FBN1: variants seen among roughly 807,000 people sequenced by gnomAD.
FBN1 encodes fibrillin 1, also known as fibrillin-1.
Under a neutral mutation model 365.1 loss-of-function variants are expected in FBN1, and 29 were observed. The observed-to-expected ratio is 0.08, with a 90% confidence interval of 0.06 to 0.11. FBN1 has a LOEUF of 0.11. Ranked by LOEUF, FBN1 falls within the 10% of genes least tolerant of loss-of-function variation. The pLI, the probability that FBN1 is intolerant of heterozygous loss-of-function variation, is 1.00. For synonymous variants in FBN1, 1,210 were observed against 1,270.5 expected (o/e 0.95, Z 1.01); for missense variants, 2,476 against 3,703.2 (o/e 0.67, Z 8.60).
chr15:48,586,253 C>CTG (rs1490829922), intron 6 of FBN1, among the ~76,000 whole-genome samples: 1 of 151,856 alleles, frequency 6.6e-6, no homozygotes, highest in Non-Finnish European at 1.5e-5. Context: ...AATAGATTCA[C>CTG]TGAGCAACTG....
At position 48,505,206 on chromosome 15, in the gene FBN1, T is replaced by C. The variant is rs574895441; in HGVS notation, c.1838-59A>G. 2.5e-6 allele frequency: 4 copies of C among 1,604,928 alleles called. No individual in the cohort carries two copies. The African/African-American group carries it at 5.4e-5, about 21-fold the overall frequency. ...GTGACATTTATCTAAAATTATAACATGTTGACAATTATGTTTTAACCCTTG... is the reference window on the plus strand; with the variant it reads ...GTGACATTTATCTAAAATTATAACACGTTGACAATTATGTTTTAACCCTTG... On this transcript the variant is annotated intron_variant, in intron 15 of 65. Coordinates refer to ENST00000316623, the MANE Select transcript of FBN1 (RefSeq NM_000138.5).
intron 7 of FBN1, among the ~76,000 whole-genome samples, chr15:48,536,633 G>A: frequency 6.6e-6 from 1 of 152,172 alleles, no homozygotes; most frequent in East Asian, 1.9e-4. Flanking sequence ...CATTCAGAGG[G>A]ATACATTTAA....
chr15:48,581,173 G>C (rs2044389322), intron 6 of FBN1, among the ~76,000 whole-genome samples: 1 of 152,098 alleles, frequency 6.6e-6, no homozygotes, highest in Non-Finnish European at 1.5e-5. Context: ...ACATTTTCTA[G>C]CCACTGTAAT....
At chr15:48,601,957 C>T (rs1324696321) in intron 4 of FBN1, among the ~76,000 whole-genome samples, 1 of 152,204 alleles carries the variant, frequency 6.6e-6, no homozygotes, top group Non-Finnish European at 1.5e-5. Flanking sequence ...GGCACATGCC[C>T]ACTATGTCCT....
chr15:48,515,288 A>G (rs2043790845), intron 12 of FBN1, 99 bp downstream of exon 12: 1 of 1,373,218 alleles, frequency 7.3e-7, no homozygotes, highest in Non-Finnish European at 1.0e-6. Context: ...TAAGCCACCA[A>G]GTTTGGGGTA....
intron 10 of FBN1, 108 bp from the exon 11 acceptor site, chr15:48,516,470 T>C: frequency 1.7e-6 from 2 of 1,171,232 alleles, no homozygotes; most frequent in Non-Finnish European, 2.5e-6. Flanking sequence ...ATAAAATTGA[T>C]CCTCAAAATT....
intron 10 of FBN1, among the ~76,000 whole-genome samples, chr15:48,516,977 G>C (rs2043809524): frequency 6.6e-6 from 1 of 152,174 alleles, no homozygotes; most frequent in Admixed American, 6.6e-5. Context: ...GTAGATTTTT[G>C]AGATAAATGT....
chr15:48,489,298 C>A (rs561178586), intron 25 of FBN1, among the ~76,000 whole-genome samples: 1 of 143,036 alleles, frequency 7.0e-6, no homozygotes, highest in African/African-American at 2.6e-5. Context: ...ATCTGCCCAC[C>A]TTGGCCTCTC....
At chr15:48,626,582 A>G (rs946046845) in intron 2 of FBN1, among the ~76,000 whole-genome samples, 4 of 152,222 alleles carry the variant, frequency 2.6e-5, no homozygotes, top group Non-Finnish European at 5.9e-5. Flanking sequence ...AACAAAAATA[A>G]ATAAATAAAT....
intron 19 of FBN1, 88 bp from the exon 20 acceptor site, chr15:48,496,313 A>G: frequency 6.5e-7 from 1 of 1,545,550 alleles, no homozygotes; most frequent in Non-Finnish European, 8.9e-7. Flanking sequence ...CTTTAAAGTC[A>G]TAACGACGTG....
intron 2 of FBN1, among the ~76,000 whole-genome samples, chr15:48,620,773 A>AC (rs533851354): frequency 1.1e-3 from 163 of 152,320 alleles, no homozygotes; most frequent in African/African-American, 3.9e-3. Context: ...GTGTTAGATA[A>AC]GAAATAAAAC....
intron 10 of FBN1, among the ~76,000 whole-genome samples, chr15:48,519,665 GA>G (rs1444061565): frequency 6.6e-6 from 1 of 152,132 alleles, no homozygotes; most frequent in Non-Finnish European, 1.5e-5. Context: ...GGAGTAGGGA[GA>G]AAGAGCCTGA....
chr15:48,421,497 G>A lies in FBN1; in HGVS notation c.7699+61C>T. ...GAGGCTGATGATGAAGGTGCCAATA[G>A]CCACACAGGCCACCTCCACAAGGAT... On this transcript the variant is annotated intron_variant, in intron 62 of 65. Transcript: ENST00000316623. The A allele has an allele frequency of 3.1e-6, 5 of 1,592,006 alleles. 1 individual carries two copies. In the South Asian group the frequency reaches 5.7e-5, roughly 18 times the overall value.
Position 48,411,339 on chromosome 15 carries a change from C to A in FBN1, c.8267G>T (p.Trp2756Leu), listed in dbSNP as rs397515861. The change falls in exon 66 of 66, where the codon TGG (tryptophan) becomes TTG (leucine). Residue 2756 changes from tryptophan to leucine, a missense_variant. By Grantham distance (61) the Trp-to-Leu change is moderately conservative (BLOSUM62 -2). This residue lies in a region of FBN1 where 177 missense variants were observed against 192.7 expected (regional missense o/e 0.92). Transcript: ENST00000316623. The stretch of plus-strand genomic sequence containing the variant: ...AAAGATGGCTGTCTTCTCAACATCC[C>A]AACTTGCAAGACTCACATTGGCTTC... ...ETEANVSLAS[W>L]DVEKTAIFAF... is the part of the protein sequence containing the mutation. 1 of 1,614,030 alleles carries A rather than the reference C, an allele frequency of 6.2e-7. No homozygotes were observed. Among genetic ancestry groups the A allele is most frequent in the Non-Finnish European group, 8.5e-7 (1 of 1,179,996 alleles).
intron 8 of FBN1, among the ~76,000 whole-genome samples, 161 bp from the exon 9 acceptor site, chr15:48,526,416 T>C (rs565866130): frequency 6.6e-6 from 1 of 152,342 alleles, no homozygotes; most frequent in Admixed American, 6.5e-5. Context: ...CAAAGGTAGA[T>C]GCTGCTTCTT....
chr15:48,437,243 G>A (rs2043080413), intron 52 of FBN1, 79 bp downstream of exon 52: 1 of 1,390,068 alleles, frequency 7.2e-7, no homozygotes, highest in East Asian at 2.3e-5. Context: ...CAAGATAGAT[G>A]GAGAAAAATA....
Position 48,410,833 on chromosome 15 carries a change from G to A in FBN1, c.*157C>T. ...TTGTTTTGAACTAGGGTAGTCACCT[G>A]TACCTTGCTTTGGTAATACAAAGAA... On this transcript the variant is annotated 3_prime_UTR_variant, in exon 66 of 66. Transcript: ENST00000316623. 1.4e-6 allele frequency: 1 copy of A among 739,354 alleles called. No homozygotes were observed. The highest frequency in any genetic ancestry group is 2.2e-6 in the Non-Finnish European group (1 of 458,792). The allele number at this position is 739,354 out of a possible 1,614,324, so 45.8% of individuals were successfully genotyped here.
intron 4 of FBN1, among the ~76,000 whole-genome samples, chr15:48,607,289 T>C (rs2044620698): frequency 6.6e-6 from 1 of 150,454 alleles, no homozygotes; most frequent in African/African-American, 2.4e-5. Flanking sequence ...AAATATAAAC[T>C]ATAGGAAACA....
Position 48,520,812 on chromosome 15 carries a change from G to C in FBN1, c.994C>G (p.Arg332Gly). ...SPDGTRCIDV[R>G]PGYCYTALTN... ...AGAGCTGTGTAACAGTATCCTGGGC[G>C]AACATCTGAGGACAAAGAAACACAT... The change falls in exon 10 of 66, where the codon CGC becomes GGC. Residue 332 changes from arginine (R) to glycine (G), a missense_variant. By Grantham distance (125) the Arg-to-Gly change is moderately radical (BLOSUM62 -2). Transcript: ENST00000316623. 1.2e-6 allele frequency: 2 copies of C among 1,614,114 alleles called. No homozygotes were observed. The highest frequency in any genetic ancestry group is 1.7e-6 in the Non-Finnish European group (2 of 1,180,014).
Sources: allele counts gnomAD v4.1 joint callset (sites outside exome capture counted in the v4.1 genomes callset), GRCh38; gene constraint gnomAD v4.1.1; regional missense constraint gnomAD v4.1.1; transcripts MANE v1.5; gene names NCBI Gene and HGNC (gene_info 2026-07-23, HGNC 2026-07-21).